The following KCNH7 variants were observed in gnomAD, a reference collection of about 807,000 sequenced individuals.
The protein encoded by KCNH7 is voltage-gated inwardly rectifying potassium channel KCNH7.
A neutral mutation model predicts 120.8 loss-of-function variants in KCNH7; 49 were observed. That is an observed-to-expected ratio of 0.41 (90% CI 0.32 to 0.51). The LOEUF (loss-of-function observed/expected upper bound fraction) is 0.51. Among genes scored for constraint, KCNH7 ranks in the 20% least tolerant of loss-of-function variants. The pLI, the probability that KCNH7 is intolerant of heterozygous loss-of-function variation, is 0.38. For synonymous variants in KCNH7, 547 were observed against 516.1 expected (o/e 1.06, Z -0.81); for missense variants, 1,097 against 1,446.6 (o/e 0.76, Z 3.92).
intron 2 of KCNH7, among the ~76,000 whole-genome samples, chr2:162,650,198 A>T (rs1434674815): frequency 6.6e-6 from 1 of 152,168 alleles, no homozygotes; most frequent in African/African-American, 2.4e-5. Flanking sequence ...AGGTCTTTAG[A>T]GAATTCAGCA....
chr2:162,614,635 T>TGTC (rs1683078835), intron 2 of KCNH7, among the ~76,000 whole-genome samples: 2 of 150,556 alleles, frequency 1.3e-5, no homozygotes, highest in African/African-American at 4.9e-5. Context: ...TCAGAATACA[T>TGTC]GTCATATGAT....
intron 10 of KCNH7, among the ~76,000 whole-genome samples, chr2:162,398,188 A>AT (rs1368045237): frequency 6.6e-6 from 1 of 151,824 alleles, no homozygotes; most frequent in Non-Finnish European, 1.5e-5. Flanking sequence ...GCTTCTTTTC[A>AT]TTTTTAGAAA....
intron 2 of KCNH7, among the ~76,000 whole-genome samples, chr2:162,593,128 A>T (rs1394929413): frequency 6.6e-6 from 1 of 152,056 alleles, no homozygotes; most frequent in African/African-American, 2.4e-5. Context: ...ATTTTTGGCA[A>T]CTCTTTCAAA....
In KCNH7 at chr2:162,384,817, G is replaced by T; in HGVS notation, c.2833C>A (p.Gln945Lys). The change falls in exon 13 of 16, where the codon CAA becomes AAA. Residue 945 changes from glutamine (Q) to lysine (K), a missense_variant. By Grantham distance (53) the Gln-to-Lys change is moderately conservative (BLOSUM62 1). This residue lies in a region of KCNH7 where 406 missense variants were observed against 410.5 expected (regional missense o/e 0.99). Coordinates refer to ENST00000332142, the MANE Select transcript of KCNH7 (RefSeq NM_033272.4). ...SSFISSIDDE[Q>K]KPLFSGIVDS... ...ACTATTCCTGAGAAGAGCGGCTTTT[G>T]TTCATCATCAATGGAGGAGATGAAA... The T allele has an allele frequency of 6.2e-7, 1 of 1,612,786 alleles. No individual in the cohort carries two copies. The highest frequency in any genetic ancestry group is 8.5e-7 in the Non-Finnish European group (1 of 1,179,114).
intron 2 of KCNH7, among the ~76,000 whole-genome samples, chr2:162,789,498 T>G (rs1038524634): frequency 2.0e-5 from 3 of 151,980 alleles, no homozygotes; most frequent in Non-Finnish European, 4.4e-5. Context: ...AACAACACTA[T>G]AGACCAAATG....
intron 3 of KCNH7, among the ~76,000 whole-genome samples, chr2:162,530,814 G>GA (rs60807259): frequency 6.6e-6 from 1 of 151,284 alleles, no homozygotes; most frequent in Non-Finnish European, 1.5e-5. Context: ...ATACTTCAAA[G>GA]AAAAAAAATC....
At chr2:162,759,593 ATTGGAAATAAGT>A in intron 2 of KCNH7, among the ~76,000 whole-genome samples, 1 of 151,950 alleles carries the variant, frequency 6.6e-6, no homozygotes, top group Admixed American at 6.6e-5. Flanking sequence ...ACTGATGTTG[ATTGGAAATAAGT>A]TGCAAGCTAG....
chr2:162,414,243 C>T (rs1353924125), intron 9 of KCNH7, among the ~76,000 whole-genome samples: 2 of 151,970 alleles, frequency 1.3e-5, no homozygotes, highest in Admixed American at 6.6e-5. Context: ...TAATCTTTAA[C>T]TCAAAAATCC....
At chr2:162,586,431 A>T (rs1189443836) in intron 2 of KCNH7, among the ~76,000 whole-genome samples, 1 of 151,980 alleles carries the variant, frequency 6.6e-6, no homozygotes, top group Non-Finnish European at 1.5e-5. Context: ...GAGCCCTCAA[A>T]TCTATTAGTG....
At chr2:162,544,371 G>C (rs928234754) in intron 2 of KCNH7, among the ~76,000 whole-genome samples, 4 of 152,102 alleles carry the variant, frequency 2.6e-5, no homozygotes, top group African/African-American at 9.7e-5. Context: ...AATGCCAACA[G>C]CTAACATTTA....
intron 2 of KCNH7, among the ~76,000 whole-genome samples, chr2:162,729,581 A>G (rs765980751): frequency 2.0e-4 from 30 of 152,126 alleles, no homozygotes; most frequent in Non-Finnish European, 2.8e-4. Context: ...TATACAGACA[A>G]TCTTACTTCT....
At chr2:162,499,376 T>C (rs1690600923) in intron 6 of KCNH7, among the ~76,000 whole-genome samples, 1 of 152,106 alleles carries the variant, frequency 6.6e-6, no homozygotes, top group African/African-American at 2.4e-5. Flanking sequence ...CCATTGGAAT[T>C]TGGTAGAAAT....
chr2:162,377,474 G>A (rs1686244990), intron 14 of KCNH7, among the ~76,000 whole-genome samples: 1 of 152,178 alleles, frequency 6.6e-6, no homozygotes, highest in African/African-American at 2.4e-5. Context: ...ATTTTTAAAG[G>A]AAAGATGAGG....
At chr2:162,674,809 T>C (rs1338744946) in intron 2 of KCNH7, among the ~76,000 whole-genome samples, 1 of 151,572 alleles carries the variant, frequency 6.6e-6, no homozygotes, top group East Asian at 1.9e-4. Flanking sequence ...AAATCAATTC[T>C]AGGTAGATTA....
In KCNH7 at chr2:162,380,027, GA is replaced by G; in HGVS notation, c.2963-7del. The G allele has an allele frequency of 6.2e-7, 1 of 1,613,706 alleles. No homozygotes were observed. The highest frequency in any genetic ancestry group is 8.5e-7 in the Non-Finnish European group (1 of 1,179,744). On this transcript the variant is annotated splice_region_variant and splice_polypyrimidine_tract_variant and intron_variant, in intron 13 of 15. Coordinates refer to ENST00000332142, the MANE Select transcript of KCNH7 (RefSeq NM_033272.4). ...GCTTCGCATGTCAGTGATATCTGTG[GA>G]AAATAGCAAGATGGATGTCAACACT...
chr2:162,539,500 T>C (rs1692231004), intron 2 of KCNH7, among the ~76,000 whole-genome samples: 1 of 152,062 alleles, frequency 6.6e-6, no homozygotes, highest in Non-Finnish European at 1.5e-5. Flanking sequence ...TTGCTTTTGG[T>C]AATAAGGGGC....
chr2:162,427,355 C>G (rs1478928110), intron 8 of KCNH7, among the ~76,000 whole-genome samples: 1 of 151,994 alleles, frequency 6.6e-6, no homozygotes, highest in Non-Finnish European at 1.5e-5. Context: ...ACTATTTGTT[C>G]CATATCCTCT....
At chr2:162,589,447 G>T (rs561539070) in intron 2 of KCNH7, among the ~76,000 whole-genome samples, 9 of 152,086 alleles carry the variant, frequency 5.9e-5, no homozygotes, top group African/African-American at 1.4e-4. Flanking sequence ...GTGAATTATA[G>T]TCATAAAAGT....
chr2:162,576,473 G>A (rs970186041), intron 2 of KCNH7, among the ~76,000 whole-genome samples: 1 of 151,786 alleles, frequency 6.6e-6, no homozygotes, highest in Non-Finnish European at 1.5e-5. Flanking sequence ...TTCCTTAATG[G>A]AATGTTTTCT....
Sources: allele counts gnomAD v4.1 joint callset (sites outside exome capture counted in the v4.1 genomes callset), GRCh38; gene constraint gnomAD v4.1.1; regional missense constraint gnomAD v4.1.1; transcripts MANE v1.5; gene names NCBI Gene and HGNC (gene_info 2026-07-23, HGNC 2026-07-21).